The following TNFRSF13B variants were observed in gnomAD, a reference collection of about 807,000 sequenced individuals.
The protein encoded by TNFRSF13B is TNF receptor superfamily member 13B.
TNFRSF13B carries 34 observed loss-of-function variants against 24.0 expected under a neutral mutation model. The ratio of observed to expected loss-of-function variants is 1.41; its 90% CI spans 1.08 to 1.88. The LOEUF is 1.88. Ranked by LOEUF, TNFRSF13B falls within the 40% of genes most tolerant of loss-of-function variation. The pLI is 0.00. For synonymous variants in TNFRSF13B, 173 were observed against 150.3 expected, an observed-to-expected ratio of 1.15 and a Z score of -1.10; for missense variants, 415 against 380.8, an observed-to-expected ratio of 1.09 and a Z score of -0.75.
chr17:16,955,554 C>T (rs78211735), intron 1 of TNFRSF13B, among the ~76,000 whole-genome samples: 4 of 152,194 alleles, frequency 2.6e-5, no homozygotes, highest in South Asian at 2.1e-4. Flanking sequence ...TCAGGAGCTC[C>T]GAAGGTTGAC....
chr17:16,952,623 A>C (rs562437796), intron 1 of TNFRSF13B, 40 bp from the exon 2 acceptor site: 2 of 1,613,896 alleles, frequency 1.2e-6, no homozygotes, highest in South Asian at 2.2e-5. Context: ...GCAGGCGGCC[A>C]CAGCCCGGCC....
rs371893711 is a variant in TNFRSF13B at position 16,939,697 on chromosome 17, G to A, written c.732C>T (p.Ser244=). Reference sequence around the variant, plus strand: ...GGTCGGGGGTCCCAGGCGTGACTGCGCTCTCCTGCGTGGGCGCCCTGCACT... The same window carrying A: ...GGTCGGGGGTCCCAGGCGTGACTGCACTCTCCTGCGTGGGCGCCCTGCACT... ...FPECRAPTQE[S]AVTPGTPDPT... The change falls in exon 5 of 5, where the codon AGC becomes AGT. Residue 244 remains serine (S), a synonymous_variant. Coordinates refer to ENST00000261652, the MANE Select transcript of TNFRSF13B (RefSeq NM_012452.3). The A allele has an allele frequency of 2.5e-5, 41 of 1,607,866 alleles. No individual in the cohort carries two copies. Among genetic ancestry groups the A allele is most frequent in the Admixed American group, 5.0e-5 (3 of 59,718 alleles).
intron 4 of TNFRSF13B, chr17:16,940,071 C>T: frequency 2.8e-6 from 3 of 1,088,682 alleles, no homozygotes; most frequent in East Asian, 2.6e-5. Context: ...GCCCTGAAGG[C>T]TCTGCATCTG....
Position 16,939,458 on chromosome 17 carries a change from C to A in TNFRSF13B, c.*89G>T. ...TCTCTGCCTCCTCTGTCTCTCTCTCCTCATATCTCTCTCCCCTCTCCCCAC... is the reference window on the plus strand; with the variant it reads ...TCTCTGCCTCCTCTGTCTCTCTCTCATCATATCTCTCTCCCCTCTCCCCAC... On this transcript the variant is annotated 3_prime_UTR_variant, in exon 5 of 5. Coordinates refer to ENST00000261652, the MANE Select transcript of TNFRSF13B (RefSeq NM_012452.3). 1 of 1,444,662 alleles carries A rather than the reference C, an allele frequency of 6.9e-7. No individual in the cohort carries two copies. The highest frequency in any genetic ancestry group is 9.3e-7 in the Non-Finnish European group (1 of 1,069,914). The allele number at this position is 1,444,662 out of a possible 1,614,324, so 89.5% of individuals were successfully genotyped here.
intron 3 of TNFRSF13B, among the ~76,000 whole-genome samples, chr17:16,944,540 C>T (rs918223845): frequency 2.2e-4 from 34 of 152,172 alleles, no homozygotes; most frequent in South Asian, 2.1e-4. Context: ...CCTAAAGACT[C>T]CTCCTCGGGG....
intron 3 of TNFRSF13B, among the ~76,000 whole-genome samples, chr17:16,946,631 A>G (rs577445826): frequency 5.8e-4 from 87 of 149,590 alleles, no homozygotes; most frequent in Non-Finnish European, 8.4e-4. Flanking sequence ...TGTGTCCCTC[A>G]GGCTGGAGTA....
intron 1 of TNFRSF13B, among the ~76,000 whole-genome samples, chr17:16,960,351 G>A (rs1006225031): frequency 8.5e-5 from 13 of 152,094 alleles, no homozygotes; most frequent in African/African-American, 2.9e-4. Context: ...ACACACATTT[G>A]CCACTTCTTT....
intron 2 of TNFRSF13B, among the ~76,000 whole-genome samples, chr17:16,951,757 A>G (rs934432203): frequency 4.6e-5 from 7 of 152,120 alleles, no homozygotes; most frequent in Admixed American, 6.5e-5. Flanking sequence ...GTGTGGTGGC[A>G]CATGCCTGTA....
At position 16,939,411 on chromosome 17, in the gene TNFRSF13B, C is replaced by G. The variant is rs1249962820; in HGVS notation, c.*136G>C. 9.3e-7 allele frequency: 1 copy of G among 1,071,300 alleles called. No individual in the cohort carries two copies. Among genetic ancestry groups the G allele is most frequent in the African/African-American group, 1.6e-5 (1 of 62,432 alleles). 66.4% of individuals were successfully genotyped at this position (1,071,300 alleles called of 1,614,324 possible). A position where few individuals can be genotyped will look rare whatever the true frequency, so the allele number is the denominator to read the frequency against. ...TCTCCCTCTGTCTCTCTCTCCCTCTCTGTCTCCTCTGTTTCTCTCCCTCTC... is the reference window on the plus strand; with the variant it reads ...TCTCCCTCTGTCTCTCTCTCCCTCTGTGTCTCCTCTGTTTCTCTCCCTCTC... On this transcript the variant is annotated 3_prime_UTR_variant, in exon 5 of 5. Coordinates refer to ENST00000261652, the MANE Select transcript of TNFRSF13B (RefSeq NM_012452.3).
intron 1 of TNFRSF13B, among the ~76,000 whole-genome samples, chr17:16,960,526 T>C (rs2087655294): frequency 1.3e-5 from 2 of 152,212 alleles, no homozygotes; most frequent in East Asian, 3.8e-4. Context: ...GGACAGTCTC[T>C]TCCATAAATG....
At chr17:16,946,596 AT>A (rs869159793) in intron 3 of TNFRSF13B, among the ~76,000 whole-genome samples, 2 of 136,282 alleles carry the variant, frequency 1.5e-5, no homozygotes, top group African/African-American at 5.5e-5. Flanking sequence ...TTATTTATTT[AT>A]TTTTTTTTGA....
In TNFRSF13B at chr17:16,939,337, T is replaced by G; in HGVS notation, c.*210A>C. 3.5e-6 allele frequency: 2 copies of G among 563,958 alleles called. No homozygotes were observed. The highest frequency in any genetic ancestry group is 2.9e-6 in the Non-Finnish European group (1 of 339,472). 34.9% of individuals were successfully genotyped at this position (563,958 alleles called of 1,614,324 possible). A position where few individuals can be genotyped will look rare whatever the true frequency, so the allele number is the denominator to read the frequency against. ...CCTCTCTCCTTCTCTGCCTGTCTCT[T>G]TCCTTCTCTGCCTCTTTCCCTCTCT... is the stretch of plus-strand genomic sequence containing the variant. On this transcript the variant is annotated 3_prime_UTR_variant, in exon 5 of 5. Coordinates refer to ENST00000261652, the MANE Select transcript of TNFRSF13B (RefSeq NM_012452.3).
chr17:16,971,052 G>A (rs34722014), intron 1 of TNFRSF13B, among the ~76,000 whole-genome samples: 20,464 of 152,156 alleles, frequency 0.13, 1,760 homozygotes, highest in East Asian at 0.45. Flanking sequence ...CCACCCTGAT[G>A]AAAATGCTAT....
chr17:16,942,617 G>T (rs1239222774), intron 3 of TNFRSF13B, among the ~76,000 whole-genome samples: 3 of 152,162 alleles, frequency 2.0e-5, no homozygotes, highest in Admixed American at 2.0e-4. Flanking sequence ...CAAATCAAAT[G>T]CAAACACTGC....
chr17:16,951,403 C>T (rs2087587797), intron 2 of TNFRSF13B, among the ~76,000 whole-genome samples: 1 of 152,112 alleles, frequency 6.6e-6, no homozygotes, highest in Non-Finnish European at 1.5e-5. Context: ...AGGAAAAGAA[C>T]AGGTTATGAA....
chr17:16,963,228 C>G (rs1419778218), intron 1 of TNFRSF13B, among the ~76,000 whole-genome samples: 1 of 152,182 alleles, frequency 6.6e-6, no homozygotes, highest in African/African-American at 2.4e-5. Context: ...AAAGACAACC[C>G]CCTGAGCTGC....
chr17:16,968,011 G>A (rs1473333344), intron 1 of TNFRSF13B, among the ~76,000 whole-genome samples: 1 of 150,706 alleles, frequency 6.6e-6, no homozygotes, highest in African/African-American at 2.4e-5. Context: ...TGTGGTGGCG[G>A]ATGCCTGTAG....
intron 1 of TNFRSF13B, among the ~76,000 whole-genome samples, chr17:16,956,645 A>G (rs1012584913): frequency 2.0e-5 from 3 of 152,264 alleles, no homozygotes; most frequent in African/African-American, 7.2e-5. Context: ...ATGTATAAAT[A>G]AAGTGTGGTA....
At chr17:16,953,747 A>T (rs764115845) in intron 1 of TNFRSF13B, among the ~76,000 whole-genome samples, 3 of 152,070 alleles carry the variant, frequency 2.0e-5, no homozygotes, top group Non-Finnish European at 2.9e-5. Flanking sequence ...AAATGCTTAA[A>T]AGCATTTTGC....
Sources: gnomAD v4.1 joint callset for allele counts (sites outside exome capture counted in the v4.1 genomes callset) on GRCh38, gnomAD v4.1.1 for gene constraint, MANE v1.5 for transcripts, NCBI Gene and HGNC (gene_info 2026-07-23, HGNC 2026-07-21) for gene names.